RAPGEF3: variants seen among roughly 807,000 people sequenced by gnomAD.
RAPGEF3 encodes the protein 9330170P05Rik.
Under a neutral mutation model 129.8 loss-of-function variants are expected in RAPGEF3, and 103 were observed. The ratio of observed to expected loss-of-function variants is 0.79; its 90% CI spans 0.68 to 0.93. The LOEUF (loss-of-function observed/expected upper bound fraction) is 0.93. Ranked by LOEUF, RAPGEF3 falls within the 40% of genes least tolerant of loss-of-function variation. The probability of loss-of-function intolerance (pLI) is 0.00; values close to 1 mark genes in which losing one functional copy is unlikely to be tolerated. For missense variants in RAPGEF3, 1,117 were observed against 1,207.4 expected (o/e 0.93, Z 1.11); for synonymous variants, 436 against 482.6 (o/e 0.90, Z 1.26).
intron 2 of RAPGEF3, among the ~76,000 whole-genome samples, 164 bp from the exon 3 acceptor site, chr12:47,752,133 G>A (rs1941789888): frequency 6.6e-6 from 1 of 152,060 alleles, no homozygotes; most frequent in African/African-American, 2.4e-5. Context: ...TCAGCACCCT[G>A]TGCCCCGGGC....
At chr12:47,748,648 T>C (rs1941572225) in intron 11 of RAPGEF3, 106 bp from the exon 12 acceptor site, 1 of 1,130,402 alleles carries the variant, frequency 8.8e-7, no homozygotes, top group East Asian at 2.4e-5. Context: ...TAGCCAGCCC[T>C]GTCCCACCTT....
At position 47,737,508 on chromosome 12, in the gene RAPGEF3, G is replaced by A. The variant is rs557467963; in HGVS notation, c.*59C>T. 1.8e-4 allele frequency: 263 copies of A among 1,499,614 alleles called. 1 individual carries two copies. Among genetic ancestry groups the A allele is most frequent in the Middle Eastern group, 2.2e-4 (1 of 4,474 alleles). The allele number at this position is 1,499,614 out of a possible 1,614,324, so 92.9% of individuals were successfully genotyped here. A position where few individuals can be genotyped will look rare whatever the true frequency, so the allele number is the denominator to read the frequency against. ...GGCCAGCCTGTGAGTATCTTGGCCC[G>A]GCACACCCTGGCTTTCCCGGCTGCA... On this transcript the variant is annotated 3_prime_UTR_variant, in exon 28 of 28. Coordinates refer to ENST00000449771, the MANE Select transcript of RAPGEF3 (RefSeq NM_001098531.4).
At chr12:47,746,764 C>A in intron 16 of RAPGEF3, 96 bp downstream of exon 16, 1 of 1,335,556 alleles carries the variant, frequency 7.5e-7, no homozygotes, top group East Asian at 2.5e-5. Context: ...GGGAGGAGAG[C>A]TTCCCACGCC....
intron 13 of RAPGEF3, 57 bp from the exon 14 acceptor site, chr12:47,747,919 AG>A: frequency 6.3e-7 from 1 of 1,594,244 alleles, no homozygotes; most frequent in Non-Finnish European, 8.5e-7. Context: ...CCTGAGGCAA[AG>A]GAGGGGCAGG....
chr12:47,750,440 G>T lies in RAPGEF3; in HGVS notation c.672-15C>A. Reference sequence around the variant, plus strand: ...GCTGACCTGGGCTGCAGGGACAGGAGGAATGGGAGCACACTGTGAACTGTG... The same window carrying T: ...GCTGACCTGGGCTGCAGGGACAGGATGAATGGGAGCACACTGTGAACTGTG... On this transcript the variant is annotated splice_polypyrimidine_tract_variant and intron_variant, in intron 6 of 27. Coordinates refer to ENST00000449771, the MANE Select transcript of RAPGEF3 (RefSeq NM_001098531.4). 6 of 1,608,926 alleles carry T rather than the reference G, an allele frequency of 3.7e-6. No homozygotes were observed. Among genetic ancestry groups the T allele is most frequent in the Non-Finnish European group, 5.1e-6 (6 of 1,176,996 alleles).
intron 19 of RAPGEF3, 160 bp downstream of exon 19, chr12:47,741,345 C>A (rs992463456): frequency 1.4e-6 from 1 of 733,588 alleles, no homozygotes; most frequent in Non-Finnish European, 2.3e-6. Context: ...TGGGAATTCC[C>A]CCATCAGCTG....
chr12:47,751,098 C>G lies in RAPGEF3; in HGVS notation c.621G>C (p.Leu207=). The change falls in exon 6 of 28, where the codon CTG becomes CTC. Residue 207 remains leucine (L), a synonymous_variant. Coordinates refer to ENST00000449771, the MANE Select transcript of RAPGEF3 (RefSeq NM_001098531.4). ...MEEELAEAVA[L]LSQRGPDALL... is the part of the protein sequence containing the mutation. ...GGGCGTCAGGCCCCCGCTGGGAGAG[C>G]AGGGCCACAGCTTCGGCCAACTCCT... The G allele has an allele frequency of 6.3e-7, 1 of 1,589,596 alleles. No individual in the cohort carries two copies. Among genetic ancestry groups the G allele is most frequent in the Non-Finnish European group, 8.6e-7 (1 of 1,168,768 alleles).
At chr12:47,756,893 T>C (rs1049928482) in intron 2 of RAPGEF3, among the ~76,000 whole-genome samples, 12 of 150,894 alleles carry the variant, frequency 8.0e-5, no homozygotes, top group African/African-American at 2.9e-4. Flanking sequence ...CACTTGAACC[T>C]GGGAGGCAGA....
chr12:47,740,951 C>T lies in RAPGEF3; in HGVS notation c.2013G>A (p.Thr671=), dbSNP rs768836107. Residue 671 remains threonine (T), a synonymous_variant, in exon 20 of 28, where the codon ACG becomes ACA. Coordinates refer to ENST00000449771, the MANE Select transcript of RAPGEF3 (RefSeq NM_001098531.4). The part of the protein sequence containing the change: ...VSAKDLAGQL[T]DHDWSLFNSI... ...TGTTGAAGAGGCTCCAGTCGTGGTCCGTCAGCTGGCCTGCCAGGTCCTTGG... is the reference window on the plus strand; with the variant it reads ...TGTTGAAGAGGCTCCAGTCGTGGTCTGTCAGCTGGCCTGCCAGGTCCTTGG... 3.7e-6 allele frequency: 6 copies of T among 1,613,792 alleles called. No individual in the cohort carries two copies. The highest frequency in any genetic ancestry group is 1.6e-4 in the Middle Eastern group (1 of 6,084).
chr12:47,743,959 C>T (rs1941295294), intron 17 of RAPGEF3, 28 bp downstream of exon 17: 2 of 1,551,118 alleles, frequency 1.3e-6, no homozygotes, highest in African/African-American at 1.4e-5. Flanking sequence ...AGATGTCGGG[C>T]TGTGCCCAGC....
At chr12:47,742,499 C>G (rs975535824) in intron 18 of RAPGEF3, among the ~76,000 whole-genome samples, 1 of 152,218 alleles carries the variant, frequency 6.6e-6, no homozygotes, top group Non-Finnish European at 1.5e-5. Flanking sequence ...ATCCCCACTT[C>G]TTGAACGCCC....
Position 47,758,762 on chromosome 12 carries a change from G to C in RAPGEF3, c.-206C>G, listed in dbSNP as rs984448215. The C allele has an allele frequency of 8.0e-7, 1 of 1,249,846 alleles. No individual in the cohort carries two copies. The highest frequency in any genetic ancestry group is 1.0e-6 in the Non-Finnish European group (1 of 995,478). The allele number at this position is 1,249,846 out of a possible 1,614,324, so 77.4% of individuals were successfully genotyped here. A position where few individuals can be genotyped will look rare whatever the true frequency, so the allele number is the denominator to read the frequency against. ...GAGAGGCTCCTCTTGGGTGAGTAGA[G>C]GGGTGGGGGCGTGGTGGGGGGACGC... On this transcript the variant is annotated 5_prime_UTR_variant, in exon 1 of 28. Transcript: ENST00000449771.
rs571845961 is a variant in RAPGEF3, at chr12:47,749,642, G to A, written c.894+99C>T. ...GAACAACCCACACAGGAGACACGGG[G>A]TCAGCAGCAGTAGATCAACAAAGGC... On this transcript the variant is annotated intron_variant, in intron 9 of 27. Coordinates refer to ENST00000449771, the MANE Select transcript of RAPGEF3 (RefSeq NM_001098531.4). The surrounding 1 kb of genome is among the most constrained non-coding windows in gnomAD (Gnocchi z 4.5). The A allele has an allele frequency of 1.5e-4, 244 of 1,579,468 alleles. 1 individual carries two copies. The African/African-American group carries it at 2.8e-3, about 18-fold the overall frequency.
At chr12:47,756,748 A>G (rs1232986904) in intron 2 of RAPGEF3, among the ~76,000 whole-genome samples, 2 of 152,166 alleles carry the variant, frequency 1.3e-5, no homozygotes, top group East Asian at 3.9e-4. Context: ...AGGTGGGCAG[A>G]TCACGAGGTC....
intron 26 of RAPGEF3, 27 bp from the exon 27 acceptor site, chr12:47,738,120 G>A (rs1463034463): frequency 6.2e-7 from 1 of 1,614,002 alleles, no homozygotes. Context: ...GGGTCATGGA[G>A]TCAGGGCCAC....
In RAPGEF3 at chr12:47,743,538, G is replaced by C; in HGVS notation, c.1817C>G (p.Ser606Cys). The part of the protein sequence containing the change: ...TKGQVLVKVN[S>C]AGDAIGLQPD... ...CCAGGGGCACAACTCACCACCTGCAGAATTGACCTTCACCAGCACCTGCCC... is the reference window on the plus strand; with the variant it reads ...CCAGGGGCACAACTCACCACCTGCACAATTGACCTTCACCAGCACCTGCCC... The change falls in exon 18 of 28, where the codon TCT becomes TGT. Residue 606 changes from serine to cysteine, a missense_variant. By Grantham distance (112) the Ser-to-Cys change is moderately radical. This residue lies in a region of RAPGEF3 where 643 missense variants were observed against 673.4 expected (regional missense o/e 0.95). Transcript: ENST00000449771. 1 of 1,613,700 alleles carries C rather than the reference G, an allele frequency of 6.2e-7. No individual in the cohort carries two copies.
At chr12:47,748,243 C>A (rs73105859) in intron 12 of RAPGEF3, 91 bp from the exon 13 acceptor site, 126,321 of 1,149,468 alleles carry the variant, frequency 0.11, 7,818 homozygotes, top group Non-Finnish European at 0.13. Flanking sequence ...CCCTTCCCCA[C>A]ATCCCACCAC....
At chr12:47,738,858 T>C in intron 24 of RAPGEF3, 104 bp from the exon 25 acceptor site, 1 of 1,044,232 alleles carries the variant, frequency 9.6e-7, no homozygotes, top group Non-Finnish European at 1.5e-6. Flanking sequence ...CCTCACCCCA[T>C]AGAGCCCCTG....
chr12:47,737,414 G>T lies in RAPGEF3; in HGVS notation c.*153C>A. 1.5e-6 allele frequency: 1 copy of T among 649,728 alleles called. No homozygotes were observed. The highest frequency in any genetic ancestry group is 2.7e-6 in the Non-Finnish European group (1 of 376,944). The allele number at this position is 649,728 out of a possible 1,614,324, so 40.2% of individuals were successfully genotyped here. A position where few individuals can be genotyped will look rare whatever the true frequency, so the allele number is the denominator to read the frequency against. On this transcript the variant is annotated 3_prime_UTR_variant, in exon 28 of 28. Transcript: ENST00000449771. ...CTCCTTAGCTGCCAGTCATCACAGG[G>T]GATGGCTGCCTCCACACTGCCTGCT...
Sources: gnomAD v4.1 joint callset for allele counts (sites outside exome capture counted in the v4.1 genomes callset) on GRCh38, gnomAD v4.1.1 for gene constraint, gnomAD v4.1.1 regional missense constraint, Gnocchi (gnomAD v3.1) non-coding constraint, MANE v1.5 for transcripts, NCBI Gene and HGNC (gene_info 2026-07-23, HGNC 2026-07-21) for gene names.